Variants in SLX4IP observed in about 807,000 individuals in gnomAD.
SLX4IP encodes the protein protein SLX4IP.
A neutral mutation model predicts 32.9 loss-of-function variants in SLX4IP; 34 were observed. That is an observed-to-expected ratio of 1.03 (90% CI 0.79 to 1.38). The LOEUF (loss-of-function observed/expected upper bound fraction) is 1.38. Among genes scored for constraint, SLX4IP ranks in the 40% most tolerant of loss-of-function variants. The pLI, the probability that SLX4IP is intolerant of heterozygous loss-of-function variation, is 0.00. For synonymous variants in SLX4IP, 172 were observed against 171.7 expected (o/e 1.00, Z -0.01); for missense variants, 444 against 479.0 (o/e 0.93, Z 0.68).
intron 2 of SLX4IP, among the ~76,000 whole-genome samples, chr20:10,554,530 GTTAGACCATC>G (rs2122494959): frequency 6.6e-6 from 1 of 152,292 alleles, no homozygotes; most frequent in South Asian, 2.1e-4. Context: ...TGCCAGAGTG[GTTAGACCATC>G]TTACATTTCC....
At chr20:10,596,134 A>G (rs1295364975) in intron 4 of SLX4IP, among the ~76,000 whole-genome samples, 1 of 152,204 alleles carries the variant, frequency 6.6e-6, no homozygotes, top group Non-Finnish European at 1.5e-5. Flanking sequence ...GATAGGATTT[A>G]GCTGTCACTC....
At chr20:10,509,295 C>T (rs2072646931) in intron 2 of SLX4IP, among the ~76,000 whole-genome samples, 2 of 152,210 alleles carry the variant, frequency 1.3e-5, no homozygotes, top group Non-Finnish European at 2.9e-5. Context: ...GAGATAATCT[C>T]ATTCCAGCTT....
intron 3 of SLX4IP, among the ~76,000 whole-genome samples, chr20:10,558,341 CAAAAAAAAAAAAA>C (rs36028561): frequency 1.3e-5 from 1 of 79,542 alleles, no homozygotes; most frequent in African/African-American, 5.1e-5. Flanking sequence ...GACCCTGTCT[CAAAAAAAAAAAAA>C]AAAAAAAACA....
intron 6 of SLX4IP, among the ~76,000 whole-genome samples, chr20:10,615,265 C>A (rs577994793): frequency 1.3e-5 from 2 of 152,256 alleles, no homozygotes; most frequent in African/African-American, 2.4e-5. Flanking sequence ...GTCAAAGTCA[C>A]CTTCCTTCCA....
intron 2 of SLX4IP, among the ~76,000 whole-genome samples, chr20:10,527,946 A>G (rs562786398): frequency 3.3e-5 from 5 of 152,258 alleles, no homozygotes; most frequent in East Asian, 1.9e-4. Context: ...GTGCCTCTGT[A>G]ATTACACATA....
chr20:10,625,617 G>GA lies in SLX4IP; in HGVS notation c.*2242dup, dbSNP rs2067163368. 2.0e-5 allele frequency: 3 copies of GA among 152,178 alleles called. No individual in the cohort carries two copies. The highest frequency in any genetic ancestry group is 4.4e-5 in the Non-Finnish European group (3 of 68,044). 9.4% of individuals were successfully genotyped at this position (152,178 alleles called of 1,614,324 possible). ...TGTACTTAGAATGATTCTCTGTCAG[G>GA]AAAAGTCTTGGCTTTAGAGTTTGTT... On this transcript the variant is annotated 3_prime_UTR_variant, in exon 8 of 8. Coordinates refer to ENST00000334534, the MANE Select transcript of SLX4IP (RefSeq NM_001009608.3).
intron 2 of SLX4IP, among the ~76,000 whole-genome samples, chr20:10,473,097 G>A (rs2065439583): frequency 6.6e-6 from 1 of 152,184 alleles, no homozygotes; most frequent in Non-Finnish European, 1.5e-5. Flanking sequence ...TGAGTTATTT[G>A]GCATTCTAGT....
At chr20:10,481,659 G>A (rs989286333) in intron 2 of SLX4IP, among the ~76,000 whole-genome samples, 7 of 152,170 alleles carry the variant, frequency 4.6e-5, no homozygotes, top group Middle Eastern at 3.4e-3. Context: ...TTTTCCCTAT[G>A]TTGGTTACCT....
intron 1 of SLX4IP, among the ~76,000 whole-genome samples, chr20:10,452,044 T>C (rs1279581052): frequency 2.0e-5 from 3 of 152,202 alleles, no homozygotes; most frequent in South Asian, 2.1e-4. Context: ...AAAATGCAAC[T>C]ACTAGAAAAC....
In SLX4IP at chr20:10,598,746, A is replaced by C; in HGVS notation, c.310A>C (p.Asn104His). 1.2e-6 allele frequency: 2 copies of C among 1,614,032 alleles called. No homozygotes were observed. Among genetic ancestry groups the C allele is most frequent in the Non-Finnish European group, 1.7e-6 (2 of 1,179,926 alleles). The change falls in exon 5 of 8, where the codon AAT (asparagine) becomes CAT (histidine). Residue 104 changes from asparagine (N) to histidine (H), a missense_variant. By Grantham distance (68) the Asn-to-His change is moderately conservative. Transcript: ENST00000334534. ...IRLRCIRSTQ[N>H]AELCVFPDRF... is the part of the protein sequence containing the mutation. The stretch of plus-strand genomic sequence containing the variant: ...CCTTCGCTGCATCAGGAGCACACAG[A>C]ATGCTGGTAAGAAGCCGATTTCTTG...
intron 2 of SLX4IP, among the ~76,000 whole-genome samples, chr20:10,513,579 G>A (rs1405974309): frequency 2.6e-5 from 4 of 152,226 alleles, no homozygotes; most frequent in Non-Finnish European, 5.9e-5. Flanking sequence ...CAGGGCACTG[G>A]AGAGACTTGA....
intron 4 of SLX4IP, among the ~76,000 whole-genome samples, chr20:10,574,958 C>T (rs2066508685): frequency 6.6e-6 from 1 of 152,112 alleles, no homozygotes. Flanking sequence ...CAGACGTGAG[C>T]CACCGTGCCT....
At chr20:10,541,845 A>C (rs2066110896) in intron 2 of SLX4IP, among the ~76,000 whole-genome samples, 1 of 152,228 alleles carries the variant, frequency 6.6e-6, no homozygotes, top group Non-Finnish European at 1.5e-5. Context: ...AAAGGGATTA[A>C]GATTCAGAGA....
At chr20:10,498,720 G>GTGAT (rs2065691022) in intron 2 of SLX4IP, among the ~76,000 whole-genome samples, 1 of 149,394 alleles carries the variant, frequency 6.7e-6, no homozygotes, top group Non-Finnish European at 1.5e-5. Context: ...TTTACAACTG[G>GTGAT]TGATTATACC....
chr20:10,499,848 ATC>A, intron 2 of SLX4IP, among the ~76,000 whole-genome samples: 1 of 152,346 alleles, frequency 6.6e-6, no homozygotes, highest in African/African-American at 2.4e-5. Flanking sequence ...AGAAGAGTAA[ATC>A]TATGTATAGC....
rs910720563 is a variant in SLX4IP, at chr20:10,435,391, C to T, written c.-92C>T. ...GTTTCCACAGCCAGGTACTACTCCG[C>T]CAGTGACCCTGGACAGTAACAAAAC... On this transcript the variant is annotated 5_prime_UTR_variant, in exon 1 of 8. Transcript: ENST00000334534. 1.3e-5 allele frequency: 2 copies of T among 152,236 alleles called. No homozygotes were observed. The allele number at this position is 152,236 out of a possible 1,614,324, so 9.4% of individuals were successfully genotyped here.
At chr20:10,595,352 C>T (rs1282691930) in intron 4 of SLX4IP, among the ~76,000 whole-genome samples, 1 of 152,162 alleles carries the variant, frequency 6.6e-6, no homozygotes, top group Non-Finnish European at 1.5e-5. Context: ...GCAAGTGCCT[C>T]ATAATATTAA....
At chr20:10,501,215 G>A (rs556197210) in intron 2 of SLX4IP, among the ~76,000 whole-genome samples, 13 of 152,302 alleles carry the variant, frequency 8.5e-5, no homozygotes, top group African/African-American at 2.9e-4. Flanking sequence ...AGAAATGCTA[G>A]TGATGGTGGA....
chr20:10,594,966 G>A (rs2122542432), intron 4 of SLX4IP, among the ~76,000 whole-genome samples: 1 of 152,236 alleles, frequency 6.6e-6, no homozygotes, highest in South Asian at 2.1e-4. Flanking sequence ...GAAAGTTAGT[G>A]TGGTAACAAG....
Sources: gnomAD v4.1 joint callset for allele counts (sites outside exome capture counted in the v4.1 genomes callset) on GRCh38, gnomAD v4.1.1 for gene constraint, MANE v1.5 for transcripts, NCBI Gene and HGNC (gene_info 2026-07-23, HGNC 2026-07-21) for gene names.